The following CMC1 variants were observed in gnomAD, a reference collection of about 807,000 sequenced individuals.
The protein encoded by CMC1 is C-X9-C motif containing 1.
A neutral mutation model predicts 14.1 loss-of-function variants in CMC1; 14 were observed. That is an observed-to-expected ratio of 0.99 (90% CI 0.66 to 1.55). The LOEUF (loss-of-function observed/expected upper bound fraction) is 1.55. Among genes scored for constraint, CMC1 ranks in the 40% most tolerant of loss-of-function variants. The pLI, the probability that CMC1 is intolerant of heterozygous loss-of-function variation, is 0.00. For synonymous variants in CMC1, 50 were observed against 38.4 expected (o/e 1.30, Z -1.12); for missense variants, 127 against 123.8 (o/e 1.03, Z -0.12).
At chr3:28,282,714 T>A (rs1209061615) in intron 2 of CMC1, among the ~76,000 whole-genome samples, 1 of 152,200 alleles carries the variant, frequency 6.6e-6, no homozygotes, top group Admixed American at 6.5e-5. Flanking sequence ...TTCTAATATA[T>A]TACCTGTGTT....
chr3:28,313,139 AGCCACCGT>A (rs749598762), intron 2 of CMC1, among the ~76,000 whole-genome samples: 6 of 152,114 alleles, frequency 3.9e-5, no homozygotes, highest in Non-Finnish European at 8.8e-5. Flanking sequence ...TACAGGCGTG[AGCCACCGT>A]GCCTGGCTTC....
chr3:28,275,540 G>A (rs1237986310), intron 2 of CMC1, among the ~76,000 whole-genome samples: 7 of 151,884 alleles, frequency 4.6e-5, no homozygotes, highest in Non-Finnish European at 1.5e-5. Context: ...CAGTGGGAAC[G>A]CTTCTGTATA....
chr3:28,323,041 C>T lies in CMC1; in HGVS notation c.*3412C>T, dbSNP rs1040199783. 1 of 150,808 alleles carries T rather than the reference C, an allele frequency of 6.6e-6. No individual in the cohort carries two copies. Among genetic ancestry groups the T allele is most frequent in the African/African-American group, 2.4e-5 (1 of 41,218 alleles). 9.3% of individuals were successfully genotyped at this position (150,808 alleles called of 1,614,324 possible). ...AGAATAAGTGTGGACATTTCATGAT[C>T]GACAATATCAATACAGCCCAAACCC... On this transcript the variant is annotated 3_prime_UTR_variant, in exon 4 of 4. Coordinates refer to ENST00000466830, the MANE Select transcript of CMC1 (RefSeq NM_182523.2).
chr3:28,295,876 G>T (rs1701715963), intron 2 of CMC1, among the ~76,000 whole-genome samples: 1 of 151,984 alleles, frequency 6.6e-6, no homozygotes, highest in Non-Finnish European at 1.5e-5. Context: ...ATAAGGAATG[G>T]TATTTATTGG....
chr3:28,260,222 A>G (rs1699662864), intron 1 of CMC1, among the ~76,000 whole-genome samples: 1 of 151,968 alleles, frequency 6.6e-6, no homozygotes, highest in Admixed American at 6.6e-5. Flanking sequence ...ATTTGTTAAT[A>G]TTTTGTTGAG....
chr3:28,290,188 A>G (rs187873715), intron 2 of CMC1, among the ~76,000 whole-genome samples: 2 of 152,220 alleles, frequency 1.3e-5, no homozygotes, highest in African/African-American at 4.8e-5. Flanking sequence ...TATAATACTT[A>G]TATTCTTGTC....
rs898169903 is a variant in CMC1 at position 28,271,211 on chromosome 3, C to T, written c.109+7831C>T. ...TGCCTCCTGGGTTCCAGTGATTCTC[C>T]AACCTCAGCTTCCTAAGTAGCTGGG... On this transcript the variant is annotated intron_variant, in intron 2 of 3. Transcript: ENST00000466830. Among the ~76,000 whole-genome samples, 7 of 152,076 alleles carry T rather than the reference C, an allele frequency of 4.6e-5. No individual in the cohort carries two copies. The East Asian group carries it at 5.8e-4, about 13-fold the overall frequency.
intron 2 of CMC1, chr3:28,294,449 G>C (rs1458021514): frequency 3.1e-6 from 3 of 970,852 alleles, no homozygotes; most frequent in Non-Finnish European, 3.7e-6. Flanking sequence ...GTAAATTTTT[G>C]TGAAACATTG....
intron 1 of CMC1, among the ~76,000 whole-genome samples, chr3:28,249,243 G>A (rs966249290): frequency 4.6e-5 from 7 of 152,214 alleles, no homozygotes; most frequent in African/African-American, 2.4e-5. Flanking sequence ...TAATTGGAAT[G>A]TAGAGTATCA....
At chr3:28,284,425 C>G (rs1233998697) in intron 2 of CMC1, among the ~76,000 whole-genome samples, 1 of 152,172 alleles carries the variant, frequency 6.6e-6, no homozygotes, top group Non-Finnish European at 1.5e-5. Context: ...CAGTGATCCT[C>G]AAACGTTCAT....
chr3:28,305,230 C>T (rs1305686930), intron 2 of CMC1, among the ~76,000 whole-genome samples: 1 of 152,120 alleles, frequency 6.6e-6, no homozygotes, highest in Admixed American at 6.6e-5. Context: ...TGGCCTCCAG[C>T]TAAATCTATG....
chr3:28,277,352 A>G (rs1475714245), intron 2 of CMC1, among the ~76,000 whole-genome samples: 2 of 152,222 alleles, frequency 1.3e-5, no homozygotes, highest in African/African-American at 4.8e-5. Flanking sequence ...AAAGCAAATA[A>G]AGAATTTTCT....
intron 1 of CMC1, among the ~76,000 whole-genome samples, chr3:28,248,021 T>G (rs1698917160): frequency 6.6e-6 from 1 of 152,196 alleles, no homozygotes; most frequent in African/African-American, 2.4e-5. Context: ...TTAAACATTT[T>G]TTTTTAAGGT....
At chr3:28,268,834 C>A (rs1286669596) in intron 2 of CMC1, among the ~76,000 whole-genome samples, 1 of 152,190 alleles carries the variant, frequency 6.6e-6, no homozygotes, top group Non-Finnish European at 1.5e-5. Flanking sequence ...ATAAATACAG[C>A]TGAATTATTT....
rs149929884 is a variant in CMC1, at chr3:28,255,964, A to G, written c.20-7327A>G. ...TCATTGAGAAATATAATTTTGCTAAAACTTCAGCTGACTCTAGAATTAGTA... is the reference window on the plus strand; with the variant it reads ...TCATTGAGAAATATAATTTTGCTAAGACTTCAGCTGACTCTAGAATTAGTA... On this transcript the variant is annotated intron_variant, in intron 1 of 3. Transcript: ENST00000466830. Among the ~76,000 whole-genome samples, 4 of 152,224 alleles carry G rather than the reference A, an allele frequency of 2.6e-5. No individual in the cohort carries two copies. In the East Asian group the frequency reaches 7.7e-4, roughly 29 times the overall value.
intron 2 of CMC1, among the ~76,000 whole-genome samples, chr3:28,273,902 G>A (rs1369453508): frequency 6.6e-6 from 1 of 152,100 alleles, no homozygotes. Context: ...CAAAAAGTAG[G>A]ATTGCAACTC....
intron 2 of CMC1, among the ~76,000 whole-genome samples, chr3:28,271,869 T>C (rs1700311846): frequency 6.6e-6 from 1 of 152,196 alleles, no homozygotes; most frequent in African/African-American, 2.4e-5. Context: ...GCATGGAATG[T>C]TTTTCCATTT....
Position 28,263,317 on chromosome 3 carries a change from G to T in CMC1, c.46G>T (p.Asp16Tyr), listed in dbSNP as rs1206635217. The change falls in exon 2 of 4, where the codon GAT becomes TAT. Residue 16 changes from aspartate to tyrosine, a missense_variant. Physicochemically the swap from Asp to Tyr is radical, Grantham distance 160. Transcript: ENST00000466830. ...CCAGCATCTCAGACATGTCGAAAAA[G>T]ATGTTTTGATCCCTAAAATAATGAG... ...ADQHLRHVEKDVLIPKIMREK... is the reference protein window; with the variant it reads ...ADQHLRHVEKYVLIPKIMREK... The T allele has an allele frequency of 6.2e-7, 1 of 1,607,102 alleles. No homozygotes were observed. Among genetic ancestry groups the T allele is most frequent in the South Asian group, 1.1e-5 (1 of 89,836 alleles).
intron 2 of CMC1, among the ~76,000 whole-genome samples, chr3:28,302,032 T>TA (rs1401468081): frequency 2.6e-5 from 4 of 152,178 alleles, no homozygotes; most frequent in African/African-American, 9.7e-5. Flanking sequence ...AAGTGACCTC[T>TA]AAAGGCCTTC....
Sources: allele counts gnomAD v4.1 joint callset (sites outside exome capture counted in the v4.1 genomes callset), GRCh38; gene constraint gnomAD v4.1.1; transcripts MANE v1.5; gene names NCBI Gene and HGNC (gene_info 2026-07-23, HGNC 2026-07-21).